Variants in PTPRD observed in about 807,000 individuals in gnomAD.
PTPRD encodes protein tyrosine phosphatase receptor type D.
PTPRD carries 34 observed loss-of-function variants against 214.5 expected under a neutral mutation model. The observed-to-expected ratio is 0.16, with a 90% confidence interval of 0.12 to 0.21. The LOEUF (loss-of-function observed/expected upper bound fraction) is 0.21, where lower values mean the gene tolerates loss of function less well. PTPRD is among the 10% of genes least tolerant of loss of function. The pLI is 1.00. For missense variants in PTPRD, 2,545 were observed against 2,398.7 expected (o/e 1.06, Z -1.27); for synonymous variants, 1,128 against 845.7 (o/e 1.33, Z -5.79).
intron 10 of PTPRD, among the ~76,000 whole-genome samples, chr9:9,077,927 T>C (rs983773722): frequency 2.6e-5 from 4 of 152,132 alleles, no homozygotes; most frequent in African/African-American, 9.7e-5. Flanking sequence ...ATTGAAGCCA[T>C]TGAGCATTTA....
In PTPRD at chr9:10,375,707, G is replaced by A. The variant is rs573353035; in HGVS notation, c.-599-34690C>T. 2.6e-5 allele frequency among the ~76,000 whole-genome samples: 4 copies of A among 152,020 alleles called. No individual in the cohort carries two copies. In the East Asian group the frequency reaches 7.8e-4, roughly 30 times the overall value. On this transcript the variant is annotated intron_variant, in intron 2 of 45. Coordinates refer to ENST00000381196, the MANE Select transcript of PTPRD (RefSeq NM_002839.4). Reference sequence around the variant, plus strand: ...TCTGCTTTGTTACTTTCCCTTTGAGGAGAAGAGTACTTGAAGTTATGATAT... The same window carrying A: ...TCTGCTTTGTTACTTTCCCTTTGAGAAGAAGAGTACTTGAAGTTATGATAT...
chr9:8,967,065 A>G (rs2099200803), intron 11 of PTPRD, among the ~76,000 whole-genome samples: 1 of 152,092 alleles, frequency 6.6e-6, no homozygotes, highest in Non-Finnish European at 1.5e-5. Context: ...CACTAACATA[A>G]GAGAAAGGCA....
At chr9:10,462,746 A>T (rs1480431600) in intron 2 of PTPRD, among the ~76,000 whole-genome samples, 2 of 151,202 alleles carry the variant, frequency 1.3e-5, no homozygotes, top group Admixed American at 6.6e-5. Flanking sequence ...AAAAAAAAAA[A>T]TACTGCATTT....
chr9:9,680,910 CTT>C (rs1363085549), intron 7 of PTPRD, among the ~76,000 whole-genome samples: 1 of 151,782 alleles, frequency 6.6e-6, no homozygotes, highest in Non-Finnish European at 1.5e-5. Flanking sequence ...GGTACCCTCT[CTT>C]GTTTCTTGCT....
At chr9:8,658,677 A>C (rs2096964380) in intron 12 of PTPRD, among the ~76,000 whole-genome samples, 1 of 151,882 alleles carries the variant, frequency 6.6e-6, no homozygotes. Context: ...TTTGGAAAAA[A>C]AAAAAAAAAA....
intron 11 of PTPRD, among the ~76,000 whole-genome samples, chr9:8,823,678 A>G (rs2097120107): frequency 6.7e-6 from 1 of 149,948 alleles, no homozygotes; most frequent in Admixed American, 6.6e-5. Flanking sequence ...AGGGAAAAGG[A>G]AAGGGAAAGG....
At chr9:10,482,296 G>A (rs1040465759) in intron 2 of PTPRD, among the ~76,000 whole-genome samples, 20 of 152,098 alleles carry the variant, frequency 1.3e-4, no homozygotes, top group Admixed American at 3.9e-4. Context: ...GCATGAACCC[G>A]GGAGGTGGAG....
intron 7 of PTPRD, among the ~76,000 whole-genome samples, chr9:9,593,876 T>C (rs911336688): frequency 6.6e-6 from 1 of 152,038 alleles, no homozygotes; most frequent in Non-Finnish European, 1.5e-5. Flanking sequence ...ACACCCCTCA[T>C]GACTTACTTC....
At chr9:9,056,251 A>G (rs536936181) in intron 10 of PTPRD, among the ~76,000 whole-genome samples, 2 of 152,310 alleles carry the variant, frequency 1.3e-5, no homozygotes, top group South Asian at 4.1e-4. Context: ...AAAGATGAAC[A>G]TCTATTAATA....
chr9:9,070,737 G>C (rs1341048869), intron 10 of PTPRD, among the ~76,000 whole-genome samples: 1 of 152,134 alleles, frequency 6.6e-6, no homozygotes, highest in African/African-American at 2.4e-5. Context: ...GCATTGTATG[G>C]AAATCTTAAT....
chr9:8,700,947 G>A (rs1374997273), intron 12 of PTPRD: 2 of 152,198 alleles, frequency 1.3e-5, no homozygotes, highest in Middle Eastern at 3.4e-3. Context: ...CAGATCACAA[G>A]GTCAGGAGTT....
chr9:9,859,702 G>T (rs1158105317), intron 5 of PTPRD, among the ~76,000 whole-genome samples: 3 of 152,140 alleles, frequency 2.0e-5, no homozygotes, highest in African/African-American at 7.2e-5. Context: ...ATGCTCCTGA[G>T]ATCTAGTCTC....
intron 2 of PTPRD, among the ~76,000 whole-genome samples, chr9:10,361,992 G>A (rs2097401677): frequency 6.6e-6 from 1 of 152,170 alleles, no homozygotes; most frequent in African/African-American, 2.4e-5. Flanking sequence ...TGGTTAAGAT[G>A]TCAGCATTTT....
intron 10 of PTPRD, among the ~76,000 whole-genome samples, chr9:9,047,924 A>G (rs1308392108): frequency 1.3e-5 from 2 of 152,110 alleles, no homozygotes; most frequent in African/African-American, 4.8e-5. Flanking sequence ...AAAGGAAACA[A>G]TCAAAAAAGT....
At chr9:9,747,902 G>A (rs945636842) in intron 6 of PTPRD, among the ~76,000 whole-genome samples, 2 of 152,084 alleles carry the variant, frequency 1.3e-5, no homozygotes, top group Admixed American at 6.5e-5. Context: ...TGGCCGGAAT[G>A]TTTCAAAAAC....
chr9:8,974,983 G>T (rs1012195015), intron 11 of PTPRD, among the ~76,000 whole-genome samples: 1 of 151,136 alleles, frequency 6.6e-6, no homozygotes, highest in Non-Finnish European at 1.5e-5. Flanking sequence ...TATATTCCTA[G>T]CTACTTGGGA....
intron 8 of PTPRD, among the ~76,000 whole-genome samples, chr9:9,488,885 T>C (rs1307629554): frequency 1.3e-5 from 2 of 152,104 alleles, no homozygotes; most frequent in Non-Finnish European, 2.9e-5. Context: ...AGAGTCAGGA[T>C]GGGCAAAAAG....
intron 33 of PTPRD, among the ~76,000 whole-genome samples, chr9:8,454,828 GTGT>G (rs1369966792): frequency 6.6e-6 from 1 of 151,602 alleles, no homozygotes; most frequent in Non-Finnish European, 1.5e-5. Flanking sequence ...GTGTGTGTGT[GTGT>G]GTGTGTGTGT....
chr9:8,455,605 T>G (rs1203874738), intron 33 of PTPRD, among the ~76,000 whole-genome samples: 1 of 152,124 alleles, frequency 6.6e-6, no homozygotes, highest in Non-Finnish European at 1.5e-5. Context: ...TCCATCTCTT[T>G]TCAAAAATAA....
Sources: gnomAD v4.1 joint callset for allele counts (sites outside exome capture counted in the v4.1 genomes callset) on GRCh38, gnomAD v4.1.1 for gene constraint, MANE v1.5 for transcripts, NCBI Gene and HGNC (gene_info 2026-07-23, HGNC 2026-07-21) for gene names.